Variants in GLI2 observed in about 807,000 individuals in gnomAD.
The protein encoded by GLI2 is transcription activator GLI2.
A neutral mutation model predicts 78.9 loss-of-function variants in GLI2; 22 were observed. That is an observed-to-expected ratio of 0.28 (90% CI 0.20 to 0.40). GLI2 has a LOEUF of 0.40. Ranked by LOEUF, GLI2 falls within the 10% of genes least tolerant of loss-of-function variation. The pLI, the probability that GLI2 is intolerant of heterozygous loss-of-function variation, is 1.00. For missense variants in GLI2, 2,097 were observed against 2,213.2 expected (o/e 0.95, Z 1.05); for synonymous variants, 974 against 963.7 (o/e 1.01, Z -0.20).
intron 2 of GLI2, among the ~76,000 whole-genome samples, chr2:120,836,936 G>T (rs998911376): frequency 7.2e-5 from 11 of 152,288 alleles, no homozygotes; most frequent in African/African-American, 2.6e-4. Context: ...ATTTTTTCCA[G>T]TCTAATAGTG....
chr2:120,925,239 T>C lies in GLI2; in HGVS notation c.149-2122T>C, dbSNP rs370884857. 5.3e-5 allele frequency among the ~76,000 whole-genome samples: 8 copies of C among 152,306 alleles called. No homozygotes were observed. The East Asian group carries it at 5.8e-4, about 11-fold the overall frequency. On this transcript the variant is annotated intron_variant, in intron 2 of 13. Transcript: ENST00000361492. ...CAACCAACTCCTCTTTGAGTCTGAG[T>C]TGGGGAAACTGATTGAATCAGGGTG...
intron 2 of GLI2, among the ~76,000 whole-genome samples, chr2:120,887,064 G>A (rs573005898): frequency 1.2e-4 from 18 of 152,298 alleles, no homozygotes; most frequent in African/African-American, 4.3e-4. Context: ...CAGTGACACT[G>A]TGGGAAGATG....
At chr2:120,947,541 C>G (rs976380866) in intron 3 of GLI2, among the ~76,000 whole-genome samples, 1 of 152,160 alleles carries the variant, frequency 6.6e-6, no homozygotes, top group South Asian at 2.1e-4. Flanking sequence ...TTGATGGCTA[C>G]GATGGCCAGT....
At chr2:120,940,225 T>C (rs77525787) in intron 3 of GLI2, among the ~76,000 whole-genome samples, 3,830 of 152,316 alleles carry the variant, frequency 0.025, 176 homozygotes, top group African/African-American at 0.088. Context: ...CCTGGTCTCT[T>C]CACTGCCTTG....
intron 1 of GLI2, among the ~76,000 whole-genome samples, chr2:120,790,643 C>G (rs1213143057): frequency 2.0e-5 from 3 of 152,190 alleles, no homozygotes; most frequent in East Asian, 1.9e-4. Context: ...CTGGAAGACC[C>G]TTCACACCTT....
intron 2 of GLI2, among the ~76,000 whole-genome samples, chr2:120,863,488 CA>C (rs1332015650): frequency 1.3e-5 from 2 of 152,244 alleles, no homozygotes; most frequent in Non-Finnish European, 2.9e-5. Context: ...GTGAAGAACA[CA>C]CAGTTCTTTA....
chr2:120,767,679 C>T (rs1683404724), intron 1 of GLI2, among the ~76,000 whole-genome samples: 1 of 152,234 alleles, frequency 6.6e-6, no homozygotes, highest in African/African-American at 2.4e-5. Flanking sequence ...TCTGCCCAGC[C>T]CCCACTGCCT....
chr2:120,855,609 G>GC (rs1012449627), intron 2 of GLI2, among the ~76,000 whole-genome samples: 3 of 152,212 alleles, frequency 2.0e-5, no homozygotes, highest in Non-Finnish European at 4.4e-5. Context: ...AAACCGTGGA[G>GC]CCCCCCAGGG....
intron 2 of GLI2, among the ~76,000 whole-genome samples, chr2:120,829,169 T>TCATA (rs1686234663): frequency 6.6e-6 from 1 of 152,126 alleles, no homozygotes; most frequent in Non-Finnish European, 1.5e-5. Context: ...CACGCACCCT[T>TCATA]CATACACTTA....
chr2:120,778,990 C>T (rs1683761168), intron 1 of GLI2, among the ~76,000 whole-genome samples: 1 of 152,100 alleles, frequency 6.6e-6, no homozygotes, highest in Non-Finnish European at 1.5e-5. Flanking sequence ...TTAAGAGGCC[C>T]CATCATGGCT....
chr2:120,989,511 C>T lies in GLI2; in HGVS notation c.3546C>T (p.Asp1182=). The change falls in exon 14 of 14, where the codon GAC becomes GAT. Residue 1182 remains aspartate, a synonymous_variant. Coordinates refer to ENST00000361492, the MANE Select transcript of GLI2 (RefSeq NM_001374353.1). The stretch of plus-strand genomic sequence containing the variant: ...TACAGGCTAGCCCTGGGGGCCTGGA[C>T]AGCACGCAGCCACACCTGCAGCCCC... The part of the protein sequence containing the change: ...QGLQASPGGL[D]STQPHLQPRS... 1 of 1,612,040 alleles carries T rather than the reference C, an allele frequency of 6.2e-7. No homozygotes were observed. The highest frequency in any genetic ancestry group is 2.2e-5 in the East Asian group (1 of 44,856).
chr2:120,915,680 G>C (rs11889225), intron 2 of GLI2, among the ~76,000 whole-genome samples: 19,383 of 152,116 alleles, frequency 0.13, 2,279 homozygotes, highest in African/African-American at 0.31. Context: ...GTGGCTGAAG[G>C]GCTGGCCTTT....
At chr2:120,984,793 C>T in intron 12 of GLI2, 50 bp downstream of exon 12, 1 of 1,587,922 alleles carries the variant, frequency 6.3e-7, no homozygotes. Context: ...CATAGCCGTG[C>T]CCAGGGCCAC....
chr2:120,858,548 C>A (rs909840100), intron 2 of GLI2, among the ~76,000 whole-genome samples: 2 of 152,222 alleles, frequency 1.3e-5, no homozygotes, highest in Non-Finnish European at 2.9e-5. Context: ...GCCTGCTAGT[C>A]CCCTGGGCAG....
At chr2:120,793,047 T>C (rs1482298315) in intron 1 of GLI2, among the ~76,000 whole-genome samples, 8 of 152,196 alleles carry the variant, frequency 5.3e-5, no homozygotes, top group Admixed American at 5.2e-4. Context: ...TGCCACCCCC[T>C]GCCTAGACTT....
chr2:120,985,970 T>G (rs1420770165), intron 12 of GLI2, among the ~76,000 whole-genome samples: 1 of 152,226 alleles, frequency 6.6e-6, no homozygotes, highest in Non-Finnish European at 1.5e-5. Flanking sequence ...TTAAGTGCCT[T>G]CCTTTGTGCC....
intron 1 of GLI2, among the ~76,000 whole-genome samples, chr2:120,745,915 G>A (rs1682680635): frequency 6.6e-6 from 1 of 152,200 alleles, no homozygotes; most frequent in Non-Finnish European, 1.5e-5. Flanking sequence ...GCTCTTGCTG[G>A]CACTGGGGGC....
chr2:120,783,025 A>G (rs1300700706), intron 1 of GLI2, among the ~76,000 whole-genome samples: 1 of 152,036 alleles, frequency 6.6e-6, no homozygotes, highest in African/African-American at 2.4e-5. Context: ...TCGAAAGGAG[A>G]GGGGGAAGGA....
Position 120,882,039 on chromosome 2 carries a change from T to A in GLI2, c.149-45322T>A, listed in dbSNP as rs188820374. On this transcript the variant is annotated intron_variant, in intron 2 of 13. Transcript: ENST00000361492. ...TGTAGGTTGATTCCAGAATACACTA[T>A]CCAGGTCCAGGGTGCAGTGGCTATA... Among the ~76,000 whole-genome samples the A allele has an allele frequency of 2.2e-3, 332 of 152,180 alleles. 4 individuals are homozygous for A. The highest frequency in any genetic ancestry group is 7.5e-3 in the African/African-American group (313 of 41,496).
Sources: allele counts gnomAD v4.1 joint callset (sites outside exome capture counted in the v4.1 genomes callset), GRCh38; gene constraint gnomAD v4.1.1; transcripts MANE v1.5; gene names NCBI Gene and HGNC (gene_info 2026-07-23, HGNC 2026-07-21).